Variants in ACAD8 observed in about 807,000 individuals in gnomAD.
ACAD8 encodes the protein acyl-CoA dehydrogenase family member 8.
ACAD8 carries 47 observed loss-of-function variants against 53.1 expected under a neutral mutation model. The observed-to-expected ratio is 0.89, with a 90% confidence interval of 0.70 to 1.13. The LOEUF (loss-of-function observed/expected upper bound fraction) is 1.13, where lower values mean the gene tolerates loss of function less well. ACAD8 is among the 50% of genes most tolerant of loss of function. The probability of loss-of-function intolerance (pLI) is 0.00; values close to 1 mark genes in which losing one functional copy is unlikely to be tolerated. For synonymous variants in ACAD8, 198 were observed against 201.3 expected (o/e 0.98, Z 0.14); for missense variants, 494 against 535.0 (o/e 0.92, Z 0.76).
In ACAD8 at chr11:134,257,162, G is replaced by T; in HGVS notation, c.285G>T (p.Val95=). Residue 95 remains valine (V), a synonymous_variant, in exon 3 of 11, where the codon GTG becomes GTT. Transcript: ENST00000281182. ...GAGGGGTCTACATACAAACAGATGT[G>T]GGCGGGTCTGGGCTGTCACGTCTTG... The part of the protein sequence containing the change: ...GFGGVYIQTD[V]GGSGLSRLDT... 1 of 1,614,126 alleles carries T rather than the reference G, an allele frequency of 6.2e-7. No homozygotes were observed. Among genetic ancestry groups the T allele is most frequent in the East Asian group, 2.2e-5 (1 of 44,862 alleles).
intron 10 of ACAD8, chr11:134,263,121 T>C (rs1939997547): frequency 9.1e-7 from 1 of 1,100,238 alleles, no homozygotes; most frequent in African/African-American, 1.7e-5. Context: ...TTCTTGGTAG[T>C]CACAGACATT....
In ACAD8 at chr11:134,259,656, C is replaced by G. The variant is rs369445365; in HGVS notation, c.616C>G (p.Arg206Gly). The change falls in exon 6 of 11, where the codon CGA (arginine) becomes GGA (glycine). Residue 206 changes from arginine to glycine, a missense_variant. Transcript: ENST00000281182. ...GTCAGACATCTATGTGGTCATGTGC[C>G]GAACAGGAGGACCAGGCCCCAAGGG... ...GESDIYVVMC[R>G]TGGPGPKGIS... is the part of the protein sequence containing the mutation. The G allele has an allele frequency of 6.2e-7, 1 of 1,614,114 alleles. No homozygotes were observed.
intron 4 of ACAD8, 113 bp downstream of exon 4, chr11:134,258,737 C>A: frequency 2.3e-6 from 2 of 867,114 alleles, no homozygotes; most frequent in Non-Finnish European, 3.7e-6. Flanking sequence ...GTTTATCTAG[C>A]TGTTTGGTTG....
intron 10 of ACAD8, among the ~76,000 whole-genome samples, chr11:134,264,288 T>C (rs1401359200): frequency 6.6e-6 from 1 of 152,166 alleles, no homozygotes; most frequent in African/African-American, 2.4e-5. Context: ...GAGGTTGCAG[T>C]GAGCTGAGAT....
chr11:134,253,606 G>T lies in ACAD8; in HGVS notation c.6G>T (p.Leu2=), dbSNP rs752234109. 6.3e-7 allele frequency: 1 copy of T among 1,584,642 alleles called. No individual in the cohort carries two copies. Among genetic ancestry groups the T allele is most frequent in the Non-Finnish European group, 8.6e-7 (1 of 1,167,894 alleles). M[L]WSGCRRFGAR... ...AACGCGGAGCTGCGGCGGCTATGCT[G>T]TGGAGCGGCTGCCGGCGTTTCGGGG... The change falls in exon 1 of 11, where the codon CTG becomes CTT. Residue 2 remains leucine (L), a synonymous_variant. Transcript: ENST00000281182.
chr11:134,263,074 A>G (rs1482975544), intron 10 of ACAD8: 1 of 1,167,948 alleles, frequency 8.6e-7, no homozygotes, highest in Non-Finnish European at 1.1e-6. Flanking sequence ...TTACTAGTGT[A>G]TTTTTCAATA....
intron 6 of ACAD8, chr11:134,260,807 G>T (rs747081028): frequency 1.1e-5 from 6 of 553,644 alleles, no homozygotes; most frequent in Non-Finnish European, 1.9e-5. Context: ...AGGTTAGTCA[G>T]GTAGAGTAGA....
intron 10 of ACAD8, among the ~76,000 whole-genome samples, chr11:134,264,504 A>G (rs540409879): frequency 6.6e-6 from 1 of 151,640 alleles, no homozygotes; most frequent in South Asian, 2.1e-4. Flanking sequence ...GGCGACAGCA[A>G]GACTGTCTCA....
Position 134,261,016 on chromosome 11 carries a change from C to T in ACAD8, c.706-28C>T. The T allele has an allele frequency of 6.2e-7, 1 of 1,609,794 alleles. No homozygotes were observed. The highest frequency in any genetic ancestry group is 8.5e-7 in the Non-Finnish European group (1 of 1,178,088). On this transcript the variant is annotated intron_variant, in intron 6 of 10. Transcript: ENST00000281182. This position sits in a 1 kb window ranked among gnomAD's most constrained non-coding sequence, Gnocchi z 4.2. Reference sequence around the variant, plus strand: ...CCGCCCTACCTGCTGGATTGTTGGGCAACCACGCAGTCCCTGATTTTTGCC... The same window carrying T: ...CCGCCCTACCTGCTGGATTGTTGGGTAACCACGCAGTCCCTGATTTTTGCC...
intron 4 of ACAD8, 103 bp from the exon 5 acceptor site, chr11:134,258,905 G>A: frequency 2.9e-6 from 3 of 1,039,906 alleles, no homozygotes; most frequent in Non-Finnish European, 4.5e-6. Flanking sequence ...CTCTGAGCAG[G>A]GTCTGTTTAG....
At chr11:134,263,517 C>G (rs1003772121) in intron 10 of ACAD8, 1 of 985,586 alleles carries the variant, frequency 1.0e-6, no homozygotes, top group East Asian at 1.1e-4. Context: ...TTGAGACCCA[C>G]CGCTCTGGTG....
Position 134,257,233 on chromosome 11 carries a change from C to T in ACAD8, c.356C>T (p.Thr119Ile), listed in dbSNP as rs1211044438. ...GCCTTGGCTACAGGCTGCACCAGCA[C>T]CACAGCCTATATAAGCATCCACAAG... ...FEALATGCTS[T>I]TAYISIHNMC... is the part of the protein sequence containing the mutation. The change falls in exon 3 of 11, where the codon ACC (threonine) becomes ATC (isoleucine). Residue 119 changes from threonine to isoleucine, a missense_variant. By Grantham distance (89) the Thr-to-Ile change is moderately conservative. Transcript: ENST00000281182. 1 of 1,614,200 alleles carries T rather than the reference C, an allele frequency of 6.2e-7. No individual in the cohort carries two copies. Among genetic ancestry groups the T allele is most frequent in the Non-Finnish European group, 8.5e-7 (1 of 1,180,034 alleles).
chr11:134,253,867 C>T (rs1479642823), intron 1 of ACAD8, among the ~76,000 whole-genome samples, 158 bp downstream of exon 1: 3 of 151,984 alleles, frequency 2.0e-5, no homozygotes, highest in African/African-American at 7.2e-5. Context: ...TCCGGCCGGT[C>T]ACCCCCGGCC....
At chr11:134,255,178 C>T (rs986541065) in intron 1 of ACAD8, among the ~76,000 whole-genome samples, 9 of 152,112 alleles carry the variant, frequency 5.9e-5, no homozygotes, top group Non-Finnish European at 1.2e-4. Flanking sequence ...TTTCTGTTGC[C>T]CAGGCTGGAG....
Position 134,259,685 on chromosome 11 carries a change from C to A in ACAD8, c.645C>A (p.Ile215=), listed in dbSNP as rs750326667. The change falls in exon 6 of 11, where the codon ATC becomes ATA. Residue 215 remains isoleucine, a synonymous_variant. Transcript: ENST00000281182. The part of the protein sequence containing the change: ...CRTGGPGPKG[I]SCIVVEKGTP... ...CAGGAGGACCAGGCCCCAAGGGCAT[C>A]TCATGCATAGTTGTTGAGAAGGGGA... The A allele has an allele frequency of 6.2e-7, 1 of 1,614,072 alleles. No homozygotes were observed. The highest frequency in any genetic ancestry group is 8.5e-7 in the Non-Finnish European group (1 of 1,180,042).
rs934865815 is a variant in ACAD8 at position 134,261,892 on chromosome 11, T to G, written c.1092+2T>G. On this transcript the variant is annotated splice_donor_variant, in intron 9 of 10. Coordinates refer to ENST00000281182, the MANE Select transcript of ACAD8 (RefSeq NM_014384.3). LOFTEE classifies it high-confidence loss of function. This position sits in a 1 kb window ranked among gnomAD's most constrained non-coding sequence, Gnocchi z 4.2. ...TTTGCTACAGATGAATGCTTTGCCG[T>G]AAGTGATTCCTCTGGCTCTCCTGGG... 5.6e-6 allele frequency: 9 copies of G among 1,613,854 alleles called. No individual in the cohort carries two copies. In the South Asian group the frequency reaches 8.8e-5, roughly 16 times the overall value.
intron 6 of ACAD8, 72 bp downstream of exon 6, chr11:134,259,817 A>G: frequency 1.9e-6 from 3 of 1,610,808 alleles, no homozygotes; most frequent in South Asian, 1.1e-5. Flanking sequence ...CTCCTGCTCT[A>G]TTTCAGAAAA....
At position 134,264,928 on chromosome 11, in the gene ACAD8, A is replaced by G. The variant is rs1940103219; in HGVS notation, c.1216A>G (p.Ile406Val). The change falls in exon 11 of 11, where the codon ATA becomes GTA. Residue 406 changes from isoleucine (I) to valine (V), a missense_variant. Ile to Val is a conservative substitution (Grantham distance 29). Transcript: ENST00000281182. ...ILEGSNEVMR[I>V]LISRSLLQE Reference sequence around the variant, plus strand: ...TACAGGTAGCAATGAAGTGATGAGGATACTGATCTCTAGAAGCCTGCTTCA... The same window carrying G: ...TACAGGTAGCAATGAAGTGATGAGGGTACTGATCTCTAGAAGCCTGCTTCA... 1 of 1,614,206 alleles carries G rather than the reference A, an allele frequency of 6.2e-7. No individual in the cohort carries two copies. The highest frequency in any genetic ancestry group is 1.1e-5 in the South Asian group (1 of 91,086).
At chr11:134,264,173 C>T (rs939514787) in intron 10 of ACAD8, 4 of 445,188 alleles carry the variant, frequency 9.0e-6, no homozygotes, top group African/African-American at 4.3e-5. Context: ...GGTGAAGCCC[C>T]GACTGTCTAA....
Sources: gnomAD v4.1 joint callset for allele counts (sites outside exome capture counted in the v4.1 genomes callset) on GRCh38, gnomAD v4.1.1 for gene constraint, Gnocchi (gnomAD v3.1) non-coding constraint, MANE v1.5 for transcripts, NCBI Gene and HGNC (gene_info 2026-07-23, HGNC 2026-07-21) for gene names.